ANO3: variants seen among roughly 807,000 people sequenced by gnomAD.
The protein encoded by ANO3 is anoctamin-3.
In ANO3, 99 loss-of-function variants were observed where a neutral mutation model predicts 144.8. That is an observed-to-expected ratio of 0.68 (90% CI 0.58 to 0.81). The LOEUF (loss-of-function observed/expected upper bound fraction) is 0.81, where lower values mean the gene tolerates loss of function less well. Ranked by LOEUF, ANO3 falls within the 30% of genes least tolerant of loss-of-function variation. ANO3 has a pLI of 0.00. For synonymous variants in ANO3, 414 were observed against 392.6 expected (o/e 1.05, Z -0.64); for missense variants, 905 against 1,202.2 (o/e 0.75, Z 3.66).
chr11:26,456,290 C>G (rs1859156917), intron 3 of ANO3, among the ~76,000 whole-genome samples: 1 of 152,068 alleles, frequency 6.6e-6, no homozygotes, highest in Non-Finnish European at 1.5e-5. Flanking sequence ...AACAGGCAAC[C>G]TACAAAATGG....
chr11:26,552,788 A>G (rs935303185), intron 12 of ANO3, among the ~76,000 whole-genome samples: 5 of 152,058 alleles, frequency 3.3e-5, no homozygotes, highest in East Asian at 3.9e-4. Context: ...TTAATCTCCA[A>G]TGAACATTCT....
chr11:26,639,118 A>G (rs1853061839), intron 20 of ANO3, 26 bp from the exon 21 acceptor site: 5 of 1,468,778 alleles, frequency 3.4e-6, no homozygotes, highest in Non-Finnish European at 3.8e-6. Context: ...GACCAATATC[A>G]TTATTGCTCT....
chr11:26,557,292 T>A (rs1850111726), intron 13 of ANO3, among the ~76,000 whole-genome samples: 1 of 151,748 alleles, frequency 6.6e-6, no homozygotes, highest in Non-Finnish European at 1.5e-5. Context: ...AAACCCTGTC[T>A]CTACTAAAAA....
chr11:26,392,355 A>G (rs928638804), intron 1 of ANO3, among the ~76,000 whole-genome samples: 3 of 151,778 alleles, frequency 2.0e-5, no homozygotes, highest in African/African-American at 7.3e-5. Context: ...AAGGATGACA[A>G]TTGTCTACTA....
intron 1 of ANO3, among the ~76,000 whole-genome samples, chr11:26,405,785 T>C (rs1857261292): frequency 6.6e-6 from 1 of 151,920 alleles, no homozygotes; most frequent in Admixed American, 6.6e-5. Flanking sequence ...TATTACAAAT[T>C]CAGATTCTCG....
Position 26,495,074 on chromosome 11 carries a change from C to CATTTATTTATTT in ANO3, c.433-12993_433-12982dup, listed in dbSNP as rs56862775. On this transcript the variant is annotated intron_variant, in intron 4 of 26. Transcript: ENST00000256737. Reference sequence around the variant, plus strand: ...AGAGTTTATCTTTTATAAATATCTACATTTATTTATTTATTTATTTATTTA... The same window carrying CATTTATTTATTT: ...AGAGTTTATCTTTTATAAATATCTACATTTATTTATTTATTTATTTATTTATTTATTTATTTA... 4.5e-3 allele frequency among the ~76,000 whole-genome samples: 646 copies of CATTTATTTATTT among 143,454 alleles called. 2 individuals carry two copies. The highest frequency in any genetic ancestry group is 0.01 in the Middle Eastern group (3 of 290). 94.1% of individuals were successfully genotyped at this position (143,454 alleles called of 152,430 possible).
intron 26 of ANO3, among the ~76,000 whole-genome samples, chr11:26,657,244 T>A (rs903628069): frequency 6.6e-6 from 1 of 152,116 alleles, no homozygotes; most frequent in African/African-American, 2.4e-5. Flanking sequence ...TCTCAACTGA[T>A]CTCCAAAAAG....
At chr11:26,496,323 A>G (rs545540750) in intron 4 of ANO3, among the ~76,000 whole-genome samples, 1 of 152,300 alleles carries the variant, frequency 6.6e-6, no homozygotes, top group African/African-American at 2.4e-5. Flanking sequence ...TCTGATGCAC[A>G]CTGGGCTGTC....
intron 17 of ANO3, among the ~76,000 whole-genome samples, chr11:26,609,053 A>G (rs537402898): frequency 6.6e-6 from 1 of 152,304 alleles, no homozygotes; most frequent in African/African-American, 2.4e-5. Flanking sequence ...TTGGGACCCT[A>G]GTCCCCAGTG....
chr11:26,476,378 A>C (rs1859970070), intron 4 of ANO3, among the ~76,000 whole-genome samples: 1 of 152,092 alleles, frequency 6.6e-6, no homozygotes, highest in East Asian at 1.9e-4. Context: ...AACAGAGGGA[A>C]AAGTGGAAGA....
intron 24 of ANO3, among the ~76,000 whole-genome samples, chr11:26,655,853 A>G (rs1178802773): frequency 6.6e-6 from 1 of 152,204 alleles, no homozygotes; most frequent in Non-Finnish European, 1.5e-5. Context: ...AGTAATTAGC[A>G]AAATATCTAG....
chr11:26,350,489 C>T (rs1323085804), intron 1 of ANO3, among the ~76,000 whole-genome samples: 1 of 152,042 alleles, frequency 6.6e-6, no homozygotes, highest in Non-Finnish European at 1.5e-5. Flanking sequence ...AAAACTGTAC[C>T]TGCAACAATT....
chr11:26,347,513 G>A (rs1189574286), intron 1 of ANO3, among the ~76,000 whole-genome samples: 1 of 152,186 alleles, frequency 6.6e-6, no homozygotes, highest in African/African-American at 2.4e-5. Flanking sequence ...ATCTCAGGAA[G>A]GAGTTCATGT....
intron 1 of ANO3, among the ~76,000 whole-genome samples, chr11:26,338,803 G>A (rs56232642): frequency 0.048 from 7,345 of 151,760 alleles, 459 homozygotes; most frequent in African/African-American, 0.14. Flanking sequence ...CGAACCCACC[G>A]GAAGGAAGAA....
intron 1 of ANO3, among the ~76,000 whole-genome samples, chr11:26,403,431 A>G (rs1199467477): frequency 2.0e-5 from 3 of 151,966 alleles, no homozygotes; most frequent in Admixed American, 6.6e-5. Context: ...ATGTGTGGCA[A>G]AATTCATCAG....
At chr11:26,590,931 A>G (rs1300816900) in intron 14 of ANO3, among the ~76,000 whole-genome samples, 1 of 152,048 alleles carries the variant, frequency 6.6e-6, no homozygotes, top group Non-Finnish European at 1.5e-5. Context: ...ATGGGAGGGG[A>G]CCCAAAGGGG....
At chr11:26,229,898 T>C (rs1852351898) in intron 1 of ANO3, among the ~76,000 whole-genome samples, 1 of 152,184 alleles carries the variant, frequency 6.6e-6, no homozygotes, top group African/African-American at 2.4e-5. Flanking sequence ...TTATTAGAAA[T>C]TCCCTGTTCT....
chr11:26,478,095 T>A (rs1404890004), intron 4 of ANO3, among the ~76,000 whole-genome samples: 2 of 152,076 alleles, frequency 1.3e-5, no homozygotes, highest in African/African-American at 2.4e-5. Flanking sequence ...ACAACAAGAA[T>A]AAATAGGGGA....
At chr11:26,564,690 TATACAC>T (rs1442048899) in intron 14 of ANO3, among the ~76,000 whole-genome samples, 2 of 18,676 alleles carry the variant, frequency 1.1e-4, no homozygotes, top group African/African-American at 3.2e-4. Context: ...TACTCATATA[TATACAC>T]ACACACACAC....
Sources: allele counts gnomAD v4.1 joint callset (sites outside exome capture counted in the v4.1 genomes callset), GRCh38; gene constraint gnomAD v4.1.1; transcripts MANE v1.5; gene names NCBI Gene and HGNC (gene_info 2026-07-23, HGNC 2026-07-21).